RBM6: variants seen among roughly 807,000 people sequenced by gnomAD.
The protein encoded by RBM6 is RNA-binding protein 6.
In RBM6, 23 loss-of-function variants were observed where a neutral mutation model predicts 140.4. That is an observed-to-expected ratio of 0.16 (90% CI 0.12 to 0.23). The LOEUF is 0.23. Among genes scored for constraint, RBM6 ranks in the 10% least tolerant of loss-of-function variants. The probability of loss-of-function intolerance (pLI) is 1.00; values close to 1 mark genes in which losing one functional copy is unlikely to be tolerated. For synonymous variants in RBM6, 439 were observed against 475.6 expected (o/e 0.92, Z 1.00); for missense variants, 1,139 against 1,386.7 (o/e 0.82, Z 2.84).
Position 50,072,417 on chromosome 3 carries a change from AAAAAG to A in RBM6, c.3116+1881_3116+1885del, listed in dbSNP as rs544768392. Among the ~76,000 whole-genome samples the A allele has an allele frequency of 7.2e-4, 110 of 152,032 alleles. No homozygotes were observed. The East Asian group carries it at 7.9e-3, about 11-fold the overall frequency. ...AGAGCGAGACTCCAAATCAAAAAAA[AAAAAG>A]AAAAGAAAAGAAAAGGAAAAGTGGG... On this transcript the variant is annotated intron_variant, in intron 19 of 20. Transcript: ENST00000266022.
At chr3:49,984,643 ATCG>A (rs1421859738) in intron 5 of RBM6, among the ~76,000 whole-genome samples, 4 of 118,482 alleles carry the variant, frequency 3.4e-5, no homozygotes, top group Middle Eastern at 4.2e-3. Context: ...ATCGCATCGC[ATCG>A]CATCGCATCG....
intron 8 of RBM6, 44 bp downstream of exon 8, chr3:50,054,439 C>T: frequency 6.8e-7 from 1 of 1,472,098 alleles, no homozygotes; most frequent in Non-Finnish European, 9.5e-7. Context: ...GTGCATTGAG[C>T]AAAACAAATT....
intron 1 of RBM6, among the ~76,000 whole-genome samples, chr3:49,957,310 C>G (rs1464210427): frequency 7.1e-6 from 1 of 141,448 alleles, no homozygotes. Flanking sequence ...TTCTTTCTTT[C>G]TTTTTTTTTT....
chr3:50,033,010 G>C (rs1321833733), intron 6 of RBM6, among the ~76,000 whole-genome samples: 1 of 151,138 alleles, frequency 6.6e-6, no homozygotes, highest in Non-Finnish European at 1.5e-5. Context: ...AAGAAATAGA[G>C]AAGAGACAGG....
chr3:50,050,947 T>C (rs1348105641), intron 7 of RBM6, among the ~76,000 whole-genome samples: 1 of 152,202 alleles, frequency 6.6e-6, no homozygotes. Flanking sequence ...GAGTACTTTA[T>C]ATTTTCTGGA....
rs1279194894 is a variant in RBM6, at chr3:50,066,187, T to C, written c.2683-55T>C. On this transcript the variant is annotated intron_variant, in intron 16 of 20. Coordinates refer to ENST00000266022, the MANE Select transcript of RBM6 (RefSeq NM_005777.3). Reference sequence around the variant, plus strand: ...GCCCATATCAGAATATCAAAAAAAATGGACCCCAAAATATAGGTTGAATTT... The same window carrying C: ...GCCCATATCAGAATATCAAAAAAAACGGACCCCAAAATATAGGTTGAATTT... 3 of 1,530,202 alleles carry C rather than the reference T, an allele frequency of 2.0e-6. No homozygotes were observed. The African/African-American group carries it at 4.2e-5, about 21-fold the overall frequency. The allele number at this position is 1,530,202 out of a possible 1,614,324, so 94.8% of individuals were successfully genotyped here.
At chr3:49,964,383 A>T (rs571282376) in intron 2 of RBM6, among the ~76,000 whole-genome samples, 1 of 152,242 alleles carries the variant, frequency 6.6e-6, no homozygotes, top group Non-Finnish European at 1.5e-5. Flanking sequence ...ATTGGTCTTT[A>T]AATTAAAACA....
intron 5 of RBM6, among the ~76,000 whole-genome samples, chr3:49,976,108 T>A (rs1686805688): frequency 6.6e-6 from 1 of 152,126 alleles, no homozygotes; most frequent in Admixed American, 6.6e-5. Context: ...AAAATAAAGG[T>A]AATCTTTAGG....
At chr3:50,034,618 G>A (rs77237982) in intron 6 of RBM6, among the ~76,000 whole-genome samples, 4,987 of 152,076 alleles carry the variant, frequency 0.033, 306 homozygotes, top group African/African-American at 0.12. Context: ...AAAGCTAGCC[G>A]GGTGTAGTAG....
chr3:50,064,799 A>C (rs760389864), intron 15 of RBM6, among the ~76,000 whole-genome samples: 3 of 152,016 alleles, frequency 2.0e-5, no homozygotes, highest in Non-Finnish European at 4.4e-5. Context: ...CAGCCTCCCT[A>C]CTAACTGGGA....
At chr3:50,025,010 A>C (rs988804854) in intron 6 of RBM6, among the ~76,000 whole-genome samples, 107 of 151,258 alleles carry the variant, frequency 7.1e-4, no homozygotes, top group Non-Finnish European at 9.6e-4. Context: ...AAAACAAAAA[A>C]CAAGAAAACA....
chr3:49,982,620 G>T (rs1248990191), intron 5 of RBM6, among the ~76,000 whole-genome samples: 1 of 151,968 alleles, frequency 6.6e-6, no homozygotes, highest in African/African-American at 2.4e-5. Flanking sequence ...GTTTCATCAT[G>T]TTGGCCAGGC....
chr3:49,988,956 A>G (rs1439468508), intron 5 of RBM6, among the ~76,000 whole-genome samples: 2 of 63,668 alleles, frequency 3.1e-5, no homozygotes, highest in Non-Finnish European at 9.4e-5. Context: ...CAAAAAAAAG[A>G]AAAAAAAATC....
intron 1 of RBM6, among the ~76,000 whole-genome samples, chr3:49,942,252 C>T (rs371886576): frequency 1.4e-5 from 2 of 143,642 alleles, no homozygotes; most frequent in Admixed American, 6.9e-5. Flanking sequence ...CACTTTGGGA[C>T]GCCGAGGTGG....
intron 5 of RBM6, among the ~76,000 whole-genome samples, chr3:49,997,549 A>G (rs1413428408): frequency 6.6e-6 from 1 of 152,142 alleles, no homozygotes; most frequent in Non-Finnish European, 1.5e-5. Flanking sequence ...CCGGGCAGCT[A>G]TGGAGAGGGT....
intron 5 of RBM6, among the ~76,000 whole-genome samples, chr3:49,988,171 G>T (rs764089154): frequency 2.9e-4 from 44 of 152,112 alleles, no homozygotes; most frequent in Admixed American, 5.2e-4. Flanking sequence ...TTGAGACAGG[G>T]TCTTACTCTG....
At chr3:50,025,317 G>A (rs1044307910) in intron 6 of RBM6, among the ~76,000 whole-genome samples, 2 of 151,488 alleles carry the variant, frequency 1.3e-5, no homozygotes, top group African/African-American at 2.4e-5. Flanking sequence ...CAGCTACACA[G>A]GAGGCTGAGG....
chr3:49,985,269 A>G (rs1317968898), intron 5 of RBM6, among the ~76,000 whole-genome samples: 4 of 152,228 alleles, frequency 2.6e-5, no homozygotes, highest in Non-Finnish European at 5.9e-5. Flanking sequence ...ATTTATTTAT[A>G]CAATTACCTT....
chr3:49,967,274 C>G lies in RBM6; in HGVS notation c.45-196C>G. 1 of 1,369,554 alleles carries G rather than the reference C, an allele frequency of 7.3e-7. No individual in the cohort carries two copies. Among genetic ancestry groups the G allele is most frequent in the Non-Finnish European group, 9.4e-7 (1 of 1,063,916 alleles). 84.8% of individuals were successfully genotyped at this position (1,369,554 alleles called of 1,614,324 possible). A position where few individuals can be genotyped will look rare whatever the true frequency, so the allele number is the denominator to read the frequency against. On this transcript the variant is annotated intron_variant, in intron 2 of 20. Transcript: ENST00000266022. The surrounding 1 kb of genome is among the most constrained non-coding windows in gnomAD (Gnocchi z 4.0). ...CTTTCCTCGTGTTCTGAAATGGGAG[C>G]ATAAAAGTTTACTCCGCCACTTCGT... is the stretch of plus-strand genomic sequence containing the variant.
Sources: allele counts gnomAD v4.1 joint callset (sites outside exome capture counted in the v4.1 genomes callset), GRCh38; gene constraint gnomAD v4.1.1; non-coding constraint Gnocchi (gnomAD v3.1); transcripts MANE v1.5; gene names NCBI Gene and HGNC (gene_info 2026-07-23, HGNC 2026-07-21).